Variants in SDK1 observed in about 807,000 individuals in gnomAD.
The protein encoded by SDK1 is protein sidekick-1.
Under a neutral mutation model 245.5 loss-of-function variants are expected in SDK1, and 157 were observed. The ratio of observed to expected loss-of-function variants is 0.64; its 90% confidence interval spans 0.56 to 0.73. SDK1 has a LOEUF of 0.73. Ranked by LOEUF, SDK1 falls within the 30% of genes least tolerant of loss-of-function variation. SDK1 has a pLI of 0.00. For synonymous variants in SDK1, 1,647 were observed against 1,278.5 expected (o/e 1.29, Z -6.15); for missense variants, 3,583 against 3,002.3 (o/e 1.19, Z -4.52).
intron 1 of SDK1, among the ~76,000 whole-genome samples, chr7:3,603,161 G>A (rs1583215904): frequency 1.4e-5 from 2 of 140,652 alleles, no homozygotes; most frequent in East Asian, 4.0e-4. Flanking sequence ...ACTTGGCGAT[G>A]CGGGCTCTTT....
chr7:4,165,105 G>T (rs1781421644), intron 32 of SDK1, among the ~76,000 whole-genome samples: 1 of 151,796 alleles, frequency 6.6e-6, no homozygotes, highest in Non-Finnish European at 1.5e-5. Flanking sequence ...GCAAACACAG[G>T]GCCAGCACTT....
rs1034492110 is a variant in SDK1, at chr7:3,556,248, G to C, written c.299-62832G>C. ...TATATTCAGCCATAAAGAAAAATGAGATCCTGTCATTTGCAACAACACTCG... is the reference window on the plus strand; with the variant it reads ...TATATTCAGCCATAAAGAAAAATGACATCCTGTCATTTGCAACAACACTCG... On this transcript the variant is annotated intron_variant, in intron 1 of 44. Coordinates refer to ENST00000404826, the MANE Select transcript of SDK1 (RefSeq NM_152744.4). 5.3e-5 allele frequency among the ~76,000 whole-genome samples: 8 copies of C among 152,224 alleles called. No homozygotes were observed. The Middle Eastern group carries it at 0.01, about 194-fold the overall frequency.
chr7:3,955,894 C>A (rs1781220717), intron 7 of SDK1, among the ~76,000 whole-genome samples: 1 of 152,126 alleles, frequency 6.6e-6, no homozygotes, highest in Non-Finnish European at 1.5e-5. Flanking sequence ...GGAGGTCTCC[C>A]CACCTCCTCT....
intron 14 of SDK1, among the ~76,000 whole-genome samples, chr7:3,991,932 T>G (rs1424598417): frequency 6.6e-6 from 1 of 152,244 alleles, no homozygotes; most frequent in Non-Finnish European, 1.5e-5. Flanking sequence ...TGCTGGCTAA[T>G]TAGAGCCAGA....
At chr7:3,863,294 C>T (rs1341137584) in intron 5 of SDK1, among the ~76,000 whole-genome samples, 2 of 152,188 alleles carry the variant, frequency 1.3e-5, no homozygotes, top group Non-Finnish European at 2.9e-5. Flanking sequence ...AGAGACCTTT[C>T]CAGTGAGGGA....
chr7:3,391,909 G>A (rs961500004), intron 1 of SDK1, among the ~76,000 whole-genome samples: 2 of 151,354 alleles, frequency 1.3e-5, no homozygotes, highest in African/African-American at 4.9e-5. Context: ...GATCACAGGT[G>A]TCAACCGCCA....
At chr7:3,925,983 G>A (rs1779753209) in intron 5 of SDK1, among the ~76,000 whole-genome samples, 2 of 152,234 alleles carry the variant, frequency 1.3e-5, no homozygotes, top group South Asian at 4.1e-4. Flanking sequence ...CTAAAGTAAA[G>A]AGGGTCTCAG....
intron 1 of SDK1, among the ~76,000 whole-genome samples, chr7:3,586,485 C>T (rs559177834): frequency 2.0e-5 from 3 of 150,686 alleles, no homozygotes; most frequent in Non-Finnish European, 4.4e-5. Flanking sequence ...ATCACGAGGT[C>T]AGGAGATCGA....
intron 1 of SDK1, among the ~76,000 whole-genome samples, chr7:3,469,288 A>AGG (rs1360264373): frequency 6.6e-6 from 1 of 152,174 alleles, no homozygotes; most frequent in Non-Finnish European, 1.5e-5. Flanking sequence ...AACATTAGTC[A>AGG]GGGGTGGTAG....
At chr7:3,901,263 T>C (rs531179314) in intron 5 of SDK1, among the ~76,000 whole-genome samples, 108 of 152,178 alleles carry the variant, frequency 7.1e-4, no homozygotes, top group African/African-American at 2.4e-3. Flanking sequence ...CTCAGCTCAC[T>C]GCAACCTCCG....
chr7:3,844,327 G>T (rs757137869), intron 5 of SDK1, among the ~76,000 whole-genome samples: 3 of 152,156 alleles, frequency 2.0e-5, no homozygotes, highest in Non-Finnish European at 4.4e-5. Flanking sequence ...GGGTGAGTTT[G>T]TATTTCTTTA....
At position 4,018,828 on chromosome 7, in the gene SDK1, T is replaced by A. The variant is rs186107840; in HGVS notation, c.2602+1476T>A. On this transcript the variant is annotated intron_variant, in intron 17 of 44. Coordinates refer to ENST00000404826, the MANE Select transcript of SDK1 (RefSeq NM_152744.4). The stretch of plus-strand genomic sequence containing the variant: ...GCAAAATGCTGCATTAGGGGCGGAA[T>A]CTGTGCGTGGGTGTGCAGGGAATGT... Among the ~76,000 whole-genome samples, 189 of 152,194 alleles carry A rather than the reference T, an allele frequency of 1.2e-3. 2 individuals are homozygous for A. The East Asian group carries it at 0.02, about 16-fold the overall frequency.
chr7:4,028,229 A>G (rs151269104), intron 17 of SDK1, among the ~76,000 whole-genome samples: 1,545 of 152,234 alleles, frequency 0.01, 17 homozygotes, highest in South Asian at 0.043. Context: ...TGACTCTAAC[A>G]CCCACTCTAA....
At chr7:3,681,969 G>A (rs1011428568) in intron 4 of SDK1, among the ~76,000 whole-genome samples, 1 of 152,138 alleles carries the variant, frequency 6.6e-6, no homozygotes, top group African/African-American at 2.4e-5. Context: ...GTCTCTGAGA[G>A]CATAACATAA....
chr7:3,545,696 CA>C (rs1156622936), intron 1 of SDK1, among the ~76,000 whole-genome samples: 2 of 152,132 alleles, frequency 1.3e-5, no homozygotes, highest in Admixed American at 1.3e-4. Context: ...TTTACCAGGC[CA>C]GAGCTGGGCA....
At chr7:3,981,549 G>C (rs1783405432) in intron 13 of SDK1, among the ~76,000 whole-genome samples, 1 of 152,202 alleles carries the variant, frequency 6.6e-6, no homozygotes, top group Admixed American at 6.5e-5. Context: ...TAGCCAAGCT[G>C]TGAATGCAAA....
At chr7:3,638,543 C>G (rs1309631122) in intron 2 of SDK1, among the ~76,000 whole-genome samples, 2 of 147,660 alleles carry the variant, frequency 1.4e-5, no homozygotes, top group African/African-American at 2.5e-5. Flanking sequence ...GACAAAAAAC[C>G]AAACACCGCA....
chr7:4,208,818 G>A (rs1349842294), intron 37 of SDK1, among the ~76,000 whole-genome samples: 3 of 152,240 alleles, frequency 2.0e-5, no homozygotes, highest in Non-Finnish European at 4.4e-5. Context: ...CTGCGCTGCT[G>A]TGGCCTCATC....
chr7:3,448,696 G>A (rs907632317), intron 1 of SDK1, among the ~76,000 whole-genome samples: 4 of 152,038 alleles, frequency 2.6e-5, no homozygotes, highest in African/African-American at 9.7e-5. Flanking sequence ...TTATGCTAAT[G>A]CCATTTAGTA....
Sources: allele counts gnomAD v4.1 joint callset (sites outside exome capture counted in the v4.1 genomes callset), GRCh38; gene constraint gnomAD v4.1.1; transcripts MANE v1.5; gene names NCBI Gene and HGNC (gene_info 2026-07-23, HGNC 2026-07-21).